The following RSPRY1 variants were observed in gnomAD, a reference collection of about 807,000 sequenced individuals.
RSPRY1 encodes the protein RING finger and SPRY domain-containing protein 1.
A neutral mutation model predicts 73.1 loss-of-function variants in RSPRY1; 23 were observed. The observed-to-expected ratio is 0.31, with a 90% confidence interval of 0.23 to 0.45. The LOEUF (loss-of-function observed/expected upper bound fraction) is 0.45. Ranked by LOEUF, RSPRY1 falls within the 20% of genes least tolerant of loss-of-function variation. The pLI is 1.00. For synonymous variants in RSPRY1, 226 were observed against 251.4 expected (o/e 0.90, Z 0.95); for missense variants, 448 against 698.7 (o/e 0.64, Z 4.05).
At chr16:57,227,662 G>A (rs1439423568) in intron 11 of RSPRY1, among the ~76,000 whole-genome samples, 5 of 152,114 alleles carry the variant, frequency 3.3e-5, no homozygotes, top group African/African-American at 1.2e-4. Context: ...AAACATTTCA[G>A]AAAATAAATT....
chr16:57,196,228 T>A (rs1199467479), intron 1 of RSPRY1, among the ~76,000 whole-genome samples: 1 of 152,136 alleles, frequency 6.6e-6, no homozygotes, highest in African/African-American at 2.4e-5. Context: ...TGTGTTGATA[T>A]GTACTGTACA....
At chr16:57,203,799 T>G (rs1276610913) in intron 1 of RSPRY1, among the ~76,000 whole-genome samples, 2 of 152,270 alleles carry the variant, frequency 1.3e-5, no homozygotes, top group Non-Finnish European at 2.9e-5. Context: ...TTCTGAACTT[T>G]GTAATAGACA....
chr16:57,190,189 A>G (rs1294436325), intron 1 of RSPRY1, among the ~76,000 whole-genome samples: 1 of 151,920 alleles, frequency 6.6e-6, no homozygotes, highest in Non-Finnish European at 1.5e-5. Flanking sequence ...GCAACATGGC[A>G]AAACCCCATC....
chr16:57,219,191 G>A (rs888648354), intron 8 of RSPRY1, among the ~76,000 whole-genome samples: 2 of 152,114 alleles, frequency 1.3e-5, no homozygotes, highest in Admixed American at 1.3e-4. Flanking sequence ...CAGAATTGCC[G>A]GATCATATGG....
chr16:57,202,745 T>TTA (rs776160703), intron 1 of RSPRY1, among the ~76,000 whole-genome samples: 5 of 152,100 alleles, frequency 3.3e-5, no homozygotes, highest in Non-Finnish European at 7.4e-5. Context: ...ATTGCTGTCT[T>TTA]AATAGTGAAA....
chr16:57,225,885 C>G lies in RSPRY1; in HGVS notation c.1162-1457C>G, dbSNP rs139351965. Among the ~76,000 whole-genome samples, 906 of 152,264 alleles carry G rather than the reference C, an allele frequency of 6.0e-3. 13 individuals are homozygous for G. The highest frequency in any genetic ancestry group is 0.021 in the African/African-American group (877 of 41,554). ...CCTGAGGTCTAGAGTTCGAGACCAG[C>G]CTGACCAACATGGAGAAACCCCGTC... On this transcript the variant is annotated intron_variant, in intron 10 of 14. Transcript: ENST00000394420.
At chr16:57,235,297 G>C in intron 14 of RSPRY1, 69 bp downstream of exon 14, 1 of 1,130,994 alleles carries the variant, frequency 8.8e-7, no homozygotes, top group Middle Eastern at 1.9e-4. Context: ...CTGTTCGTCA[G>C]GGTTTATTGT....
At chr16:57,216,068 G>A in intron 6 of RSPRY1, 39 bp from the exon 7 acceptor site, 2 of 811,932 alleles carry the variant, frequency 2.5e-6, no homozygotes, top group South Asian at 1.6e-5. Context: ...GCAGGGGAAT[G>A]ATTTTTTTTT....
rs1306078125 is a variant in RSPRY1 at position 57,200,675 on chromosome 16, C to A, written c.-155-3829C>A. Among the ~76,000 whole-genome samples the A allele has an allele frequency of 5.2e-3, 171 of 32,688 alleles. 5 individuals carry two copies. The highest frequency in any genetic ancestry group is 0.019 in the African/African-American group (157 of 8,198). The allele number at this position is 32,688 out of a possible 152,430, so 21.4% of individuals were successfully genotyped here. On this transcript the variant is annotated intron_variant, in intron 1 of 14. Coordinates refer to ENST00000394420, the MANE Select transcript of RSPRY1 (RefSeq NM_133368.3). ...CCGGGCGGGGGGCTGACCCCCCCAC[C>A]TCCCTCCCGGACGGGGCGGCTGGCC...
intron 10 of RSPRY1, among the ~76,000 whole-genome samples, chr16:57,224,861 G>A (rs138267140): frequency 1.3e-5 from 2 of 152,346 alleles, no homozygotes; most frequent in Admixed American, 1.3e-4. Context: ...ACTCATGGTG[G>A]CTAGCTTCTA....
chr16:57,191,448 C>T (rs776913384), intron 1 of RSPRY1, among the ~76,000 whole-genome samples: 20 of 152,026 alleles, frequency 1.3e-4, no homozygotes, highest in Non-Finnish European at 1.8e-4. Flanking sequence ...TTTTTTCGCC[C>T]AGGAAGTCTG....
intron 2 of RSPRY1, among the ~76,000 whole-genome samples, chr16:57,206,539 ACT>A (rs1172712153): frequency 6.6e-6 from 1 of 152,194 alleles, no homozygotes; most frequent in East Asian, 1.9e-4. Context: ...TGCAGAATAG[ACT>A]TTGAGAGAGA....
intron 5 of RSPRY1, 100 bp from the exon 6 acceptor site, chr16:57,213,788 A>T: frequency 1.1e-6 from 1 of 870,398 alleles, no homozygotes; most frequent in Non-Finnish European, 1.9e-6. Context: ...TAATAAGATA[A>T]TGTGCATGAA....
chr16:57,188,572 A>G (rs2074293541), intron 1 of RSPRY1, among the ~76,000 whole-genome samples: 1 of 152,156 alleles, frequency 6.6e-6, no homozygotes, highest in South Asian at 2.1e-4. Flanking sequence ...GCTGGAGTGC[A>G]GTGGCGCTAT....
Position 57,235,059 on chromosome 16 carries a change from A to G in RSPRY1, c.1530-65A>G, listed in dbSNP as rs2075280434. ...GTGCAGAGCATTTTCAAAACATTTC[A>G]TATGCATCACTGCTAACAGGACCCC... On this transcript the variant is annotated intron_variant, in intron 13 of 14. Transcript: ENST00000394420. 1.2e-5 allele frequency: 13 copies of G among 1,128,378 alleles called. No homozygotes were observed. The South Asian group carries it at 1.5e-4, about 13-fold the overall frequency. 69.9% of individuals were successfully genotyped at this position (1,128,378 alleles called of 1,614,324 possible). A position where few individuals can be genotyped will look rare whatever the true frequency, so the allele number is the denominator to read the frequency against.
At chr16:57,201,284 G>T (rs1402825165) in intron 1 of RSPRY1, among the ~76,000 whole-genome samples, 1 of 151,078 alleles carries the variant, frequency 6.6e-6, no homozygotes, top group African/African-American at 2.4e-5. Context: ...TCTCAGACGG[G>T]GCGGTTGCCA....
At chr16:57,213,655 A>G (rs2074886997) in intron 5 of RSPRY1, among the ~76,000 whole-genome samples, 1 of 152,258 alleles carries the variant, frequency 6.6e-6, no homozygotes, top group Non-Finnish European at 1.5e-5. Context: ...ACATGTGGCT[A>G]CTGGTTTGGA....
upstream of RSPRY1, chr16:57,186,304 T>G: frequency 3.3e-6 from 1 of 302,288 alleles, no homozygotes; most frequent in Non-Finnish European, 4.8e-6. Context: ...GAGGGAGGGC[T>G]GGGGCGGTAC....
chr16:57,189,101 C>T (rs1226766796), intron 1 of RSPRY1, among the ~76,000 whole-genome samples: 1 of 149,888 alleles, frequency 6.7e-6, no homozygotes, highest in African/African-American at 2.5e-5. Context: ...TCAAGCAATT[C>T]TTCTGCCTCA....
Sources: gnomAD v4.1 joint callset for allele counts (sites outside exome capture counted in the v4.1 genomes callset) on GRCh38, gnomAD v4.1.1 for gene constraint, MANE v1.5 for transcripts, NCBI Gene and HGNC (gene_info 2026-07-23, HGNC 2026-07-21) for gene names.